SAMD5: variants seen among roughly 807,000 people sequenced by gnomAD.
SAMD5 encodes sterile alpha motif domain-containing protein 5.
Under a neutral mutation model 11.3 loss-of-function variants are expected in SAMD5, and 13 were observed. The observed-to-expected ratio is 1.15, with a 90% CI of 0.75 to 1.83. The LOEUF (loss-of-function observed/expected upper bound fraction) is 1.83, where lower values mean the gene tolerates loss of function less well. Ranked by LOEUF, SAMD5 falls within the 40% of genes most tolerant of loss-of-function variation. The probability of loss-of-function intolerance (pLI) is 0.00; values close to 1 mark genes in which losing one functional copy is unlikely to be tolerated. For missense variants in SAMD5, 255 were observed against 239.1 expected, an observed-to-expected ratio of 1.07 and a Z score of -0.44; for synonymous variants, 129 against 111.3, an observed-to-expected ratio of 1.16 and a Z score of -1.00.
intron 1 of SAMD5, among the ~76,000 whole-genome samples, chr6:147,659,167 CTG>C (rs966255803): frequency 2.0e-5 from 3 of 152,048 alleles, no homozygotes; most frequent in African/African-American, 4.8e-5. Flanking sequence ...ACTTGGTGTG[CTG>C]TGAGTTGTTA....
At chr6:147,948,566 G>C in the SAMD5 span, among the ~76,000 whole-genome samples, 2 of 152,088 alleles carry the variant, frequency 1.3e-5, no homozygotes, top group Non-Finnish European at 2.9e-5. Flanking sequence ...ATATTCTGCT[G>C]TCCTCTCCTT....
At chr6:147,657,906 T>C (rs1790593937) in intron 1 of SAMD5, among the ~76,000 whole-genome samples, 1 of 152,210 alleles carries the variant, frequency 6.6e-6, no homozygotes, top group African/African-American at 2.4e-5. Context: ...GATGCAAAGA[T>C]TCAGTCTGTA....
At chr6:147,883,222 C>T in the SAMD5 span, among the ~76,000 whole-genome samples, 15 of 152,270 alleles carry the variant, frequency 9.9e-5, no homozygotes, top group African/African-American at 3.6e-4. Context: ...ATACCAGAGT[C>T]TAGCAGACAC....
intron 1 of SAMD5, among the ~76,000 whole-genome samples, chr6:147,555,944 C>T (rs1392096928): frequency 6.6e-6 from 1 of 151,914 alleles, no homozygotes; most frequent in African/African-American, 2.4e-5. Flanking sequence ...AAACATATTG[C>T]CACAGATTGA....
In SAMD5 at chr6:147,578,179, T is replaced by G. The variant is rs1289255304; in HGVS notation, c.162+68792T>G. 2.0e-5 allele frequency among the ~76,000 whole-genome samples: 3 copies of G among 152,292 alleles called. No homozygotes were observed. In the East Asian group the frequency reaches 5.8e-4, roughly 29 times the overall value. ...CATCAGAAGAGGTTTCTCTCTACTT[T>G]ATAAATTTTTTGAATCTTGCCTTTG... On this transcript the variant is annotated intron_variant, in intron 1 of 1. Coordinates refer to the SAMD5 transcript ENST00000566741.
the SAMD5 span, among the ~76,000 whole-genome samples, chr6:147,845,737 G>T: frequency 0.012 from 1,805 of 152,200 alleles, 40 homozygotes; most frequent in South Asian, 0.072. Flanking sequence ...ACTAACTGTT[G>T]GTGAGGATGA....
chr6:147,540,860 C>T (rs1017227761), intron 1 of SAMD5, among the ~76,000 whole-genome samples: 19 of 150,870 alleles, frequency 1.3e-4, no homozygotes, highest in African/African-American at 4.6e-4. Context: ...CCTTTCTCTG[C>T]AGCTTCCTGA....
intron 1 of SAMD5, among the ~76,000 whole-genome samples, chr6:147,620,730 C>T (rs116029318): frequency 1.6e-3 from 238 of 152,278 alleles, no homozygotes; most frequent in African/African-American, 4.8e-3. Context: ...GCTGGAAGGA[C>T]GTGGCTGGCT....
chr6:147,806,714 G>A, the SAMD5 span, among the ~76,000 whole-genome samples: 1 of 152,098 alleles, frequency 6.6e-6, no homozygotes, highest in Non-Finnish European at 1.5e-5. Context: ...TCCCTGCCAA[G>A]CACCATGAAA....
the SAMD5 span, among the ~76,000 whole-genome samples, chr6:147,949,089 A>T: frequency 6.6e-6 from 1 of 152,228 alleles, no homozygotes; most frequent in Non-Finnish European, 1.5e-5. Flanking sequence ...GAACCAAGAC[A>T]TTATTTGAAC....
chr6:147,800,518 C>G, the SAMD5 span, among the ~76,000 whole-genome samples: 1 of 152,160 alleles, frequency 6.6e-6, no homozygotes, highest in Non-Finnish European at 1.5e-5. Context: ...ACTGCTGTCT[C>G]TTTGTTTGTC....
chr6:147,666,636 A>G (rs993445762), intron 1 of SAMD5, among the ~76,000 whole-genome samples: 2 of 152,090 alleles, frequency 1.3e-5, no homozygotes, highest in African/African-American at 4.8e-5. Flanking sequence ...TCTTTTTGTG[A>G]TCAGATTTAA....
the SAMD5 span, among the ~76,000 whole-genome samples, chr6:147,918,369 G>A: frequency 1.4e-4 from 22 of 152,118 alleles, no homozygotes; most frequent in African/African-American, 2.9e-4. Flanking sequence ...GTGTTTGTCT[G>A]TTATTGGTGT....
chr6:147,891,301 C>A, the SAMD5 span, among the ~76,000 whole-genome samples: 1 of 151,912 alleles, frequency 6.6e-6, no homozygotes, highest in African/African-American at 2.4e-5. Context: ...AAAATTAAAA[C>A]ATGGGGAAAA....
At chr6:147,669,035 C>G (rs1054714634) in intron 1 of SAMD5, among the ~76,000 whole-genome samples, 2 of 152,064 alleles carry the variant, frequency 1.3e-5, no homozygotes, top group Middle Eastern at 3.2e-3. Flanking sequence ...GCTGACTGAT[C>G]AGGGTGGTGG....
intron 1 of SAMD5, among the ~76,000 whole-genome samples, chr6:147,714,611 A>C (rs1269123055): frequency 6.6e-6 from 1 of 152,222 alleles, no homozygotes; most frequent in Non-Finnish European, 1.5e-5. Flanking sequence ...TTGAAAGATA[A>C]GTTAAAGGTG....
At chr6:147,580,630 A>G (rs1789283329) in intron 1 of SAMD5, among the ~76,000 whole-genome samples, 1 of 152,206 alleles carries the variant, frequency 6.6e-6, no homozygotes, top group South Asian at 2.1e-4. Context: ...TAGACTTTAA[A>G]ATTGTATTTC....
intron 1 of SAMD5, among the ~76,000 whole-genome samples, chr6:147,627,026 TAATGGCATGAAGGC>T (rs1257119088): frequency 1.3e-5 from 2 of 152,176 alleles, no homozygotes; most frequent in Non-Finnish European, 2.9e-5. Context: ...ATCCCTTTGC[TAATGGCATGAAGGC>T]AATGGCCTTA....
chr6:147,869,408 G>A, the SAMD5 span, among the ~76,000 whole-genome samples: 6 of 152,176 alleles, frequency 3.9e-5, no homozygotes, highest in Admixed American at 3.9e-4. Context: ...AGTTATGCTG[G>A]GTCAACATGT....
Sources: allele counts gnomAD v4.1 joint callset (sites outside exome capture counted in the v4.1 genomes callset), GRCh38; gene constraint gnomAD v4.1.1; transcripts MANE v1.5; gene names NCBI Gene and HGNC (gene_info 2026-07-23, HGNC 2026-07-21).